Variants in CEP126 observed in about 807,000 individuals in gnomAD.
CEP126 encodes the protein centrosomal protein of 126 kDa.
A neutral mutation model predicts 107.8 loss-of-function variants in CEP126; 74 were observed. The observed-to-expected ratio is 0.69, with a 90% CI of 0.57 to 0.83. CEP126 has a LOEUF of 0.83. Among genes scored for constraint, CEP126 ranks in the 40% least tolerant of loss-of-function variants. The pLI is 0.00. For synonymous variants in CEP126, 449 were observed against 446.0 expected (o/e 1.01, Z -0.08); for missense variants, 1,237 against 1,281.9 (o/e 0.96, Z 0.53).
chr11:101,963,491 C>A lies in CEP126; in HGVS notation c.2456C>A (p.Ser819Tyr). The A allele has an allele frequency of 6.2e-7, 1 of 1,614,066 alleles. No individual in the cohort carries two copies. The highest frequency in any genetic ancestry group is 8.5e-7 in the Non-Finnish European group (1 of 1,179,980). Reference protein sequence around the residue: ...NIRSGKNIQVSQCQPVTPENP... With the variant: ...NIRSGKNIQVYQCQPVTPENP... Reference sequence around the variant, plus strand: ...AGAAGTGGTAAAAATATACAAGTGTCTCAGTGTCAACCAGTAACTCCTGAA... The same window carrying A: ...AGAAGTGGTAAAAATATACAAGTGTATCAGTGTCAACCAGTAACTCCTGAA... The change falls in exon 6 of 11, where the codon TCT (serine) becomes TAT (tyrosine). Residue 819 changes from serine (S) to tyrosine (Y), a missense_variant. This residue lies in a region of CEP126 where 1,134 missense variants were observed against 1,150.5 expected (regional missense o/e 0.99). Transcript: ENST00000263468.
chr11:101,971,449 A>C (rs1405324912), intron 6 of CEP126, among the ~76,000 whole-genome samples: 1 of 152,226 alleles, frequency 6.6e-6, no homozygotes, highest in Non-Finnish European at 1.5e-5. Flanking sequence ...TGAACTGGCA[A>C]ATCAAAACCA....
chr11:101,934,978 A>G (rs892757834), intron 2 of CEP126, among the ~76,000 whole-genome samples: 2 of 152,080 alleles, frequency 1.3e-5, no homozygotes, highest in African/African-American at 4.8e-5. Flanking sequence ...GATGTCAAAC[A>G]GTTTTCCAAA....
chr11:101,926,098 T>TA (rs1413032706), intron 2 of CEP126, among the ~76,000 whole-genome samples: 1 of 152,026 alleles, frequency 6.6e-6, no homozygotes, highest in South Asian at 2.1e-4. Flanking sequence ...GATAAAACAA[T>TA]AAAAAACATG....
At chr11:101,932,380 C>T (rs1940513531) in intron 2 of CEP126, among the ~76,000 whole-genome samples, 1 of 152,128 alleles carries the variant, frequency 6.6e-6, no homozygotes, top group Non-Finnish European at 1.5e-5. Flanking sequence ...CCAGAAAATA[C>T]TGTATGAAAT....
chr11:101,956,521 A>C (rs1294845960), intron 4 of CEP126: 1 of 456,122 alleles, frequency 2.2e-6, no homozygotes, highest in Non-Finnish European at 4.4e-6. Flanking sequence ...GTCATTCTCC[A>C]TCTTCTTCTT....
intron 1 of CEP126, among the ~76,000 whole-genome samples, chr11:101,920,374 AT>A (rs1262187369): frequency 6.6e-6 from 1 of 152,178 alleles, no homozygotes; most frequent in African/African-American, 2.4e-5. Context: ...TATTTCTAGT[AT>A]TCTGTTTTAC....
Position 102,000,306 on chromosome 11 carries a change from C to T in CEP126, c.*2663C>T, listed in dbSNP as rs1190699496. 1.3e-5 allele frequency: 2 copies of T among 152,158 alleles called. No individual in the cohort carries two copies. Among genetic ancestry groups the T allele is most frequent in the African/African-American group, 2.4e-5 (1 of 41,436 alleles). 9.4% of individuals were successfully genotyped at this position (152,158 alleles called of 1,614,324 possible). ...TCTAAGGAAGAAAAGAGTCTCCTTT[C>T]GAATGTGAAGAAGTAAATTTAGAGG... On this transcript the variant is annotated 3_prime_UTR_variant, in exon 11 of 11. Coordinates refer to ENST00000263468, the MANE Select transcript of CEP126 (RefSeq NM_020802.4).
Position 101,963,860 on chromosome 11 carries a change from A to ATCAAAATAAGAGGGCT in CEP126, c.2826_2841dup (p.Thr948SerfsTer3). The ATCAAAATAAGAGGGCT allele has an allele frequency of 6.2e-7, 1 of 1,606,160 alleles. No homozygotes were observed. Among genetic ancestry groups the ATCAAAATAAGAGGGCT allele is most frequent in the Non-Finnish European group, 8.5e-7 (1 of 1,176,794 alleles). ...TGGAAAAGAGGTCCTAATGTCCTGC[A>ATCAAAATAAGAGGGCT]TCAAAATAAGAGGGCTACAGGTAAG... On this transcript the variant is annotated frameshift_variant, in exon 6 of 11. Coordinates refer to ENST00000263468, the MANE Select transcript of CEP126 (RefSeq NM_020802.4). LOFTEE classifies it high-confidence loss of function.
intron 8 of CEP126, among the ~76,000 whole-genome samples, chr11:101,986,385 G>T (rs1293532724): frequency 2.0e-5 from 3 of 152,072 alleles, no homozygotes; most frequent in African/African-American, 7.2e-5. Context: ...ATCTAATTGG[G>T]TCTGTTTCTA....
intron 6 of CEP126, among the ~76,000 whole-genome samples, 183 bp downstream of exon 6, chr11:101,964,063 T>C (rs908679434): frequency 6.6e-6 from 1 of 152,144 alleles, no homozygotes; most frequent in Non-Finnish European, 1.5e-5. Flanking sequence ...CCCAGCACTT[T>C]GGGAGGCCCA....
intron 10 of CEP126, among the ~76,000 whole-genome samples, chr11:101,996,183 C>T (rs750533126): frequency 7.2e-5 from 11 of 152,228 alleles, no homozygotes; most frequent in Non-Finnish European, 1.3e-4. Flanking sequence ...GACCTGAAGA[C>T]AGTAGCTTCA....
rs77585073 is a variant in CEP126 at position 101,963,168 on chromosome 11, G to T, written c.2133G>T (p.Leu711Phe). ...LGGSGADHMP[L>F]NCFIPSGYNF... Reference sequence around the variant, plus strand: ...GATCTGGAGCAGACCATATGCCTTTGAACTGTTTTATACCTTCAGGTTATA... The same window carrying T: ...GATCTGGAGCAGACCATATGCCTTTTAACTGTTTTATACCTTCAGGTTATA... The change falls in exon 6 of 11, where the codon TTG becomes TTT. Residue 711 changes from leucine (L) to phenylalanine (F), a missense_variant. By Grantham distance (22) the Leu-to-Phe change is conservative. Transcript: ENST00000263468. 4.4e-4 allele frequency: 705 copies of T among 1,613,938 alleles called. 6 individuals are homozygous for T. The highest frequency in any genetic ancestry group is 3.0e-3 in the Middle Eastern group (18 of 6,062).
At chr11:101,950,534 T>C (rs1940797463) in intron 4 of CEP126, among the ~76,000 whole-genome samples, 1 of 152,214 alleles carries the variant, frequency 6.6e-6, no homozygotes, top group African/African-American at 2.4e-5. Flanking sequence ...TGTTTGTTGG[T>C]CTTTACAACA....
intron 9 of CEP126, among the ~76,000 whole-genome samples, chr11:101,991,211 TC>T (rs1288561784): frequency 6.7e-6 from 1 of 150,090 alleles, no homozygotes. Flanking sequence ...CAGCTCAAAT[TC>T]CCTACTAAGT....
At chr11:101,957,693 C>A (rs1221999556) in intron 4 of CEP126, among the ~76,000 whole-genome samples, 1 of 152,084 alleles carries the variant, frequency 6.6e-6, no homozygotes, top group Admixed American at 6.5e-5. Flanking sequence ...CTGACCCTGA[C>A]AAGCAATTTT....
At chr11:101,935,170 C>G (rs776632883) in intron 2 of CEP126, among the ~76,000 whole-genome samples, 1 of 151,456 alleles carries the variant, frequency 6.6e-6, no homozygotes, top group Non-Finnish European at 1.5e-5. Flanking sequence ...ATATTTTGTC[C>G]GTGTTTTAAG....
intron 5 of CEP126, among the ~76,000 whole-genome samples, chr11:101,958,969 A>T (rs1283173550): frequency 2.0e-5 from 3 of 152,134 alleles, no homozygotes; most frequent in African/African-American, 7.2e-5. Context: ...TAAATAAAAC[A>T]ACTGCTTGTA....
At chr11:101,978,506 C>A in intron 7 of CEP126, 47 bp downstream of exon 7, 1 of 1,270,902 alleles carries the variant, frequency 7.9e-7, no homozygotes, top group Non-Finnish European at 1.1e-6. Flanking sequence ...TTAAAAATTG[C>A]TTGGAAAACA....
rs1199527258 is a variant in CEP126 at position 101,963,612 on chromosome 11, T to A, written c.2577T>A (p.Ser859=). 6.2e-7 allele frequency: 1 copy of A among 1,614,160 alleles called. No homozygotes were observed. Among genetic ancestry groups the A allele is most frequent in the East Asian group, 2.2e-5 (1 of 44,874 alleles). The stretch of plus-strand genomic sequence containing the variant: ...ATCAGTGGAATCAGGAAAGTAGTTC[T>A]CCACTCTCAAATGCTTGTTCTGACC... ...SLNQWNQESS[S]PLSNACSDLV... is the part of the protein sequence containing the mutation. Residue 859 remains serine, a synonymous_variant, in exon 6 of 11, where the codon TCT becomes TCA. Coordinates refer to ENST00000263468, the MANE Select transcript of CEP126 (RefSeq NM_020802.4).
Sources: gnomAD v4.1 joint callset for allele counts (sites outside exome capture counted in the v4.1 genomes callset) on GRCh38, gnomAD v4.1.1 for gene constraint, gnomAD v4.1.1 regional missense constraint, MANE v1.5 for transcripts, NCBI Gene and HGNC (gene_info 2026-07-23, HGNC 2026-07-21) for gene names.